The following AKAP6 variants were observed in gnomAD, a reference collection of about 807,000 sequenced individuals.
The protein encoded by AKAP6 is A-kinase anchoring protein 6, also known as A-kinase anchor protein 6.
A neutral mutation model predicts 188.5 loss-of-function variants in AKAP6; 58 were observed. The ratio of observed to expected loss-of-function variants is 0.31; its 90% CI spans 0.25 to 0.38. The LOEUF is 0.38. AKAP6 is among the 10% of genes least tolerant of loss of function. The pLI is 1.00. For synonymous variants in AKAP6, 989 were observed against 998.6 expected (o/e 0.99, Z 0.18); for missense variants, 2,710 against 2,740.0 (o/e 0.99, Z 0.24).
At chr14:32,649,367 T>C (rs947908545) in intron 7 of AKAP6, among the ~76,000 whole-genome samples, 3 of 152,180 alleles carry the variant, frequency 2.0e-5, no homozygotes, top group Non-Finnish European at 4.4e-5. Flanking sequence ...AAGGTTAAAA[T>C]CCTTTTAGAC....
chr14:32,429,707 A>G (rs1025847311), intron 1 of AKAP6, among the ~76,000 whole-genome samples: 2 of 152,210 alleles, frequency 1.3e-5, no homozygotes, highest in African/African-American at 4.8e-5. Context: ...ACTTGAGTAA[A>G]GCACGCTTTG....
intron 2 of AKAP6, among the ~76,000 whole-genome samples, chr14:32,503,244 C>T (rs561616841): frequency 2.0e-5 from 3 of 152,124 alleles, no homozygotes; most frequent in African/African-American, 4.8e-5. Flanking sequence ...GAACTGTGCT[C>T]ATATCCTTTC....
chr14:32,451,423 G>A (rs1403897346), intron 2 of AKAP6, among the ~76,000 whole-genome samples: 1 of 151,920 alleles, frequency 6.6e-6, no homozygotes, highest in African/African-American at 2.4e-5. Flanking sequence ...AGCTTTATTT[G>A]TATACAGCTA....
intron 2 of AKAP6, among the ~76,000 whole-genome samples, chr14:32,463,112 A>G (rs1165832845): frequency 6.6e-6 from 1 of 152,130 alleles, no homozygotes; most frequent in Admixed American, 6.5e-5. Flanking sequence ...AAGTTTTTAG[A>G]GACTGACAAA....
rs561909535 is a variant in AKAP6, at chr14:32,525,259, G to T, written c.325-10295G>T. 2.8e-4 allele frequency among the ~76,000 whole-genome samples: 43 copies of T among 152,290 alleles called. 1 individual carries two copies. The South Asian group carries it at 7.2e-3, about 26-fold the overall frequency. ...TTTTCCTCCAAACTTTTTGTTTAGG[G>T]TTTATTCCTGGTCAAATAAGTCAGA... is the stretch of plus-strand genomic sequence containing the variant. On this transcript the variant is annotated intron_variant, in intron 2 of 13. Transcript: ENST00000280979.
chr14:32,823,068 A>G lies in AKAP6; in HGVS notation c.5255A>G (p.Asp1752Gly). The change falls in exon 13 of 14, where the codon GAC becomes GGC. Residue 1752 changes from aspartate (D) to glycine (G), a missense_variant. Physicochemically the swap from Asp to Gly is moderately conservative, Grantham distance 94 (BLOSUM62 -1). This residue lies in a region of AKAP6 where 2,473 missense variants were observed against 2,426.1 expected (regional missense o/e 1.02). Transcript: ENST00000280979. The stretch of plus-strand genomic sequence containing the variant: ...TCTGCTTGCACTGATGATGAAGATG[A>G]CAGCGACCTGCTCTCCAGCTCTACC... ...CTSACTDDED[D>G]SDLLSSSTLT... 1.2e-6 allele frequency: 2 copies of G among 1,613,830 alleles called. No homozygotes were observed. The highest frequency in any genetic ancestry group is 1.3e-5 in the African/African-American group (1 of 74,998).
chr14:32,472,114 AGGTGAGG>A (rs751193744), intron 2 of AKAP6, among the ~76,000 whole-genome samples: 94 of 152,188 alleles, frequency 6.2e-4, no homozygotes, highest in Non-Finnish European at 1.0e-3. Context: ...CACCTCTGAG[AGGTGAGG>A]GAAGTAAATC....
At chr14:32,619,070 C>G (rs1293467436) in intron 7 of AKAP6, among the ~76,000 whole-genome samples, 1 of 151,376 alleles carries the variant, frequency 6.6e-6, no homozygotes, top group East Asian at 1.9e-4. Context: ...TCTCGTAAAT[C>G]CTGACATTAG....
At chr14:32,343,780 G>A (rs1216624253) in intron 1 of AKAP6, among the ~76,000 whole-genome samples, 19 of 137,234 alleles carry the variant, frequency 1.4e-4, no homozygotes, top group Non-Finnish European at 2.6e-4. Context: ...AAAGAAATTA[G>A]GAACAACTGT....
chr14:32,409,442 T>C (rs11156742), intron 1 of AKAP6, among the ~76,000 whole-genome samples: 94,941 of 151,624 alleles, frequency 0.63, 31,923 homozygotes, highest in Non-Finnish European at 0.75. Context: ...GACTAGTGTA[T>C]AAAAGTTATA....
At chr14:32,696,253 A>C in intron 9 of AKAP6, 143 bp downstream of exon 9, 135 of 1,105,570 alleles carry the variant, frequency 1.2e-4, no homozygotes, top group Middle Eastern at 2.8e-4. Flanking sequence ...CCCCAAACTC[A>C]TTTCCATCCC....
At position 32,661,448 on chromosome 14, in the gene AKAP6, C is replaced by T. The variant is rs371944194; in HGVS notation, c.2731-16863C>T. Among the ~76,000 whole-genome samples, 18 of 152,140 alleles carry T rather than the reference C, an allele frequency of 1.2e-4. No individual in the cohort carries two copies. The East Asian group carries it at 2.3e-3, about 20-fold the overall frequency. On this transcript the variant is annotated intron_variant, in intron 7 of 13. Coordinates refer to ENST00000280979, the MANE Select transcript of AKAP6 (RefSeq NM_004274.5). The stretch of plus-strand genomic sequence containing the variant: ...TCAGAGTGTGCAGACAAGGAATGCA[C>T]GATTGTGCACACTGCCAAAGGTGCA...
intron 7 of AKAP6, among the ~76,000 whole-genome samples, chr14:32,646,945 T>G (rs1393297722): frequency 6.6e-6 from 1 of 152,138 alleles, no homozygotes; most frequent in Non-Finnish European, 1.5e-5. Context: ...AAAATAAAGT[T>G]ACTAATCTTG....
chr14:32,352,099 G>T (rs10139592), intron 1 of AKAP6, among the ~76,000 whole-genome samples: 8,671 of 117,692 alleles, frequency 0.074, 726 homozygotes, highest in African/African-American at 0.27. Context: ...GTGTGTGTGT[G>T]TGTTTGTGTG....
At chr14:32,453,602 T>C (rs891371163) in intron 2 of AKAP6, among the ~76,000 whole-genome samples, 11 of 49,654 alleles carry the variant, frequency 2.2e-4, no homozygotes, top group African/African-American at 6.0e-4. Context: ...TTTTTTTTTT[T>C]TTTTTTTTTT....
At chr14:32,457,006 C>A (rs932629255) in intron 2 of AKAP6, among the ~76,000 whole-genome samples, 41 of 152,112 alleles carry the variant, frequency 2.7e-4, no homozygotes, top group African/African-American at 9.9e-4. Flanking sequence ...CATAGACAGA[C>A]TTTTTTTATT....
chr14:32,445,394 A>G (rs989522568), intron 2 of AKAP6, among the ~76,000 whole-genome samples: 2 of 151,792 alleles, frequency 1.3e-5, no homozygotes, highest in African/African-American at 4.8e-5. Flanking sequence ...TTTTTTTGAG[A>G]TGGAGTCTCA....
chr14:32,670,285 C>T (rs758255069), intron 7 of AKAP6, among the ~76,000 whole-genome samples: 6 of 151,962 alleles, frequency 3.9e-5, no homozygotes, highest in Non-Finnish European at 7.4e-5. Flanking sequence ...AACTACAATT[C>T]AAGATGAGAT....
chr14:32,791,323 G>C (rs1181823787), intron 12 of AKAP6, among the ~76,000 whole-genome samples: 6 of 152,164 alleles, frequency 3.9e-5, no homozygotes, highest in Non-Finnish European at 8.8e-5. Context: ...ACAGTCATGA[G>C]ATGGTATCTC....
Sources: allele counts gnomAD v4.1 joint callset (sites outside exome capture counted in the v4.1 genomes callset), GRCh38; gene constraint gnomAD v4.1.1; regional missense constraint gnomAD v4.1.1; transcripts MANE v1.5; gene names NCBI Gene and HGNC (gene_info 2026-07-23, HGNC 2026-07-21).